The following WHRN variants were observed in gnomAD, a reference collection of about 807,000 sequenced individuals.
The protein encoded by WHRN is whirlin, also known as CASK-interacting protein CIP98.
In WHRN, 41 loss-of-function variants were observed where a neutral mutation model predicts 68.3. The observed-to-expected ratio is 0.60, with a 90% CI of 0.47 to 0.78. WHRN has a LOEUF of 0.78. Among genes scored for constraint, WHRN ranks in the 30% least tolerant of loss-of-function variants. WHRN has a pLI of 0.00. For synonymous variants in WHRN, 560 were observed against 561.3 expected (o/e 1.00, Z 0.03); for missense variants, 1,243 against 1,244.7 (o/e 1.00, Z 0.02).
chr9:114,433,232 G>C (rs1489367885), intron 3 of WHRN, among the ~76,000 whole-genome samples: 1 of 152,220 alleles, frequency 6.6e-6, no homozygotes, highest in African/African-American at 2.4e-5. Flanking sequence ...CCGATGAAGG[G>C]AACTGGCAGG....
intron 6 of WHRN, 96 bp downstream of exon 6, chr9:114,424,238 T>C: frequency 7.0e-7 from 1 of 1,437,888 alleles, no homozygotes; most frequent in Non-Finnish European, 9.8e-7. Context: ...AGTTCAGGCC[T>C]GACCCCTTGT....
At chr9:114,485,595 G>A (rs1177802685) in intron 1 of WHRN, among the ~76,000 whole-genome samples, 1 of 152,198 alleles carries the variant, frequency 6.6e-6, no homozygotes, top group Non-Finnish European at 1.5e-5. Context: ...AGGAGGCTGA[G>A]GCAGAAGAAT....
At chr9:114,490,532 A>G (rs571200527) in intron 1 of WHRN, among the ~76,000 whole-genome samples, 2 of 141,694 alleles carry the variant, frequency 1.4e-5, no homozygotes, top group South Asian at 2.4e-4. Context: ...TTTTTTTAAA[A>G]AAGATATAAA....
At chr9:114,420,667 C>A (rs1836205115) in intron 7 of WHRN, among the ~76,000 whole-genome samples, 1 of 152,134 alleles carries the variant, frequency 6.6e-6, no homozygotes, top group African/African-American at 2.4e-5. Flanking sequence ...TTCAGCCTAG[C>A]ACTTTCCAGA....
intron 1 of WHRN, among the ~76,000 whole-genome samples, chr9:114,492,232 C>G (rs1843044720): frequency 6.6e-6 from 1 of 152,060 alleles, no homozygotes; most frequent in South Asian, 2.1e-4. Context: ...AACAGTTAAT[C>G]AGAAGCTTTA....
intron 5 of WHRN, 105 bp from the exon 6 acceptor site, chr9:114,424,651 C>T: frequency 7.9e-7 from 1 of 1,263,902 alleles, no homozygotes; most frequent in Non-Finnish European, 1.1e-6. Flanking sequence ...TGTGGTGTTT[C>T]ATCTGTTATT....
chr9:114,478,919 C>T (rs573842437), intron 1 of WHRN, 148 bp from the exon 2 acceptor site: 8 of 761,868 alleles, frequency 1.1e-5, no homozygotes, highest in African/African-American at 1.7e-5. Flanking sequence ...CTCTAGCCCT[C>T]GATTTTGTCC....
chr9:114,433,951 C>T (rs776683685), intron 3 of WHRN, among the ~76,000 whole-genome samples: 3 of 152,212 alleles, frequency 2.0e-5, no homozygotes, highest in African/African-American at 7.2e-5. Flanking sequence ...ATTCACCACA[C>T]AGGAAGCCTC....
chr9:114,403,200 G>A lies in WHRN; in HGVS notation c.2541+17C>T, dbSNP rs1834793822. 7 of 1,613,956 alleles carry A rather than the reference G, an allele frequency of 4.3e-6. No individual in the cohort carries two copies. Among genetic ancestry groups the A allele is most frequent in the African/African-American group, 1.3e-5 (1 of 75,052 alleles). On this transcript the variant is annotated intron_variant, in intron 11 of 11. Coordinates refer to ENST00000362057, the MANE Select transcript of WHRN (RefSeq NM_015404.4). ...AGGGGTAGGGAGAGATGGCAAGTGG[G>A]GCCCCTGGGGACATACCTGAATAGT...
intron 3 of WHRN, among the ~76,000 whole-genome samples, chr9:114,440,772 G>A (rs1302152101): frequency 1.3e-5 from 2 of 152,116 alleles, no homozygotes; most frequent in African/African-American, 2.4e-5. Context: ...GCCGTGTGCC[G>A]CTCATCATCT....
intron 1 of WHRN, among the ~76,000 whole-genome samples, chr9:114,496,486 CCT>C (rs1843470320): frequency 6.6e-6 from 1 of 152,088 alleles, no homozygotes; most frequent in African/African-American, 2.4e-5. Context: ...TCACATGGGC[CCT>C]GAGTCCAGTA....
chr9:114,456,924 C>T (rs191239343), intron 3 of WHRN, among the ~76,000 whole-genome samples: 35 of 151,798 alleles, frequency 2.3e-4, no homozygotes, highest in Middle Eastern at 3.5e-3. Flanking sequence ...GTGATTCTTA[C>T]TCTGGGAAAA....
At chr9:114,477,726 A>C (rs1254487867) in intron 2 of WHRN, among the ~76,000 whole-genome samples, 1 of 152,114 alleles carries the variant, frequency 6.6e-6, no homozygotes, top group Non-Finnish European at 1.5e-5. Flanking sequence ...CTCGGCTTCA[A>C]TTCTGGGACT....
chr9:114,487,434 G>T (rs562754510), intron 1 of WHRN, among the ~76,000 whole-genome samples: 7 of 152,158 alleles, frequency 4.6e-5, no homozygotes, highest in Admixed American at 3.9e-4. Context: ...CACTAAAAAT[G>T]TATTTTGAAG....
chr9:114,459,602 T>G (rs893518618), intron 3 of WHRN, among the ~76,000 whole-genome samples: 1 of 152,282 alleles, frequency 6.6e-6, no homozygotes, highest in East Asian at 1.9e-4. Flanking sequence ...GAACAGACCC[T>G]GGCAGAAGCC....
At chr9:114,462,659 G>C (rs894369571) in intron 3 of WHRN, among the ~76,000 whole-genome samples, 2 of 152,204 alleles carry the variant, frequency 1.3e-5, no homozygotes, top group Admixed American at 1.3e-4. Context: ...CTATACCATA[G>C]TAGTTAAGAA....
At position 114,426,329 on chromosome 9, in the gene WHRN, G is replaced by A. The variant is rs142990800; in HGVS notation, c.1048C>T (p.Arg350Trp). 418 of 1,613,976 alleles carry A rather than the reference G, an allele frequency of 2.6e-4. 3 individuals carry two copies. The African/African-American group carries it at 5.0e-3, about 19-fold the overall frequency. ...TCCTTCACTGTCAGGATGAGGTGCC[G>A]AGATGACTTAAGCAGCCTGACAGCC... ...DEAVRLLKSS[R>W]HLILTVKDVG... The change falls in exon 4 of 12, where the codon CGG (arginine) becomes TGG (tryptophan). Residue 350 changes from arginine (R) to tryptophan (W), a missense_variant. Arg to Trp is a moderately radical substitution (Grantham distance 101). Transcript: ENST00000362057.
At chr9:114,478,283 G>A (rs1450134113) in intron 2 of WHRN, 7 of 691,120 alleles carry the variant, frequency 1.0e-5, no homozygotes, top group Non-Finnish European at 1.9e-5. Flanking sequence ...GTGAGACTCT[G>A]TCTCCAAATA....
At chr9:114,409,102 C>T (rs931554632) in intron 7 of WHRN, among the ~76,000 whole-genome samples, 3 of 152,218 alleles carry the variant, frequency 2.0e-5, no homozygotes, top group Admixed American at 2.0e-4. Context: ...CAATCCCACA[C>T]AATATAGTAT....
Sources: gnomAD v4.1 joint callset for allele counts (sites outside exome capture counted in the v4.1 genomes callset) on GRCh38, gnomAD v4.1.1 for gene constraint, MANE v1.5 for transcripts, NCBI Gene and HGNC (gene_info 2026-07-23, HGNC 2026-07-21) for gene names.